The following VMP1 variants were observed in gnomAD, a reference collection of about 807,000 sequenced individuals.
VMP1 encodes vacuole membrane protein 1, also known as ectopic P-granules autophagy protein 3 homolog.
VMP1 carries 11 observed loss-of-function variants against 56.0 expected under a neutral mutation model. That is an observed-to-expected ratio of 0.20 (90% confidence interval 0.12 to 0.32). VMP1 has a LOEUF of 0.32. VMP1 is among the 10% of genes least tolerant of loss of function. The pLI, the probability that VMP1 is intolerant of heterozygous loss-of-function variation, is 1.00. For synonymous variants in VMP1, 149 were observed against 165.0 expected (o/e 0.90, Z 0.74); for missense variants, 296 against 490.3 (o/e 0.60, Z 3.74).
chr17:59,735,348 A>C lies in VMP1; in HGVS notation c.87A>C (p.Ser29=), dbSNP rs754951125. The C allele has an allele frequency of 2.0e-5, 32 of 1,613,940 alleles. No individual in the cohort carries two copies. Among genetic ancestry groups the C allele is most frequent in the Non-Finnish European group, 2.5e-5 (30 of 1,179,986 alleles). ...ACTATTGTTTTTCAGACCCCTCTTC[A>C]GTGAATGAAAAGAAGAGGAGGGAGC... The part of the protein sequence containing the change: ...HHNGNFTDPS[S]VNEKKRRERE... The change falls in exon 3 of 12, where the codon TCA becomes TCC. Residue 29 remains serine, a synonymous_variant. Transcript: ENST00000262291.
intron 7 of VMP1, among the ~76,000 whole-genome samples, chr17:59,786,348 A>G (rs891117796): frequency 6.6e-6 from 1 of 152,188 alleles, no homozygotes; most frequent in African/African-American, 2.4e-5. Context: ...CACTAATGCT[A>G]TTCTCTTTTA....
At chr17:59,768,707 G>A (rs1471080545) in intron 6 of VMP1, among the ~76,000 whole-genome samples, 1 of 152,000 alleles carries the variant, frequency 6.6e-6, no homozygotes, top group Non-Finnish European at 1.5e-5. Flanking sequence ...AATTCACCGG[G>A]CGCGGTGGCT....
chr17:59,783,425 A>G (rs1362370695), intron 7 of VMP1, among the ~76,000 whole-genome samples: 1 of 152,142 alleles, frequency 6.6e-6, no homozygotes, highest in Non-Finnish European at 1.5e-5. Flanking sequence ...TTGGCTTTCT[A>G]TCGTGTTTCC....
At chr17:59,795,087 T>C (rs1439952420) in intron 7 of VMP1, among the ~76,000 whole-genome samples, 1 of 148,962 alleles carries the variant, frequency 6.7e-6, no homozygotes, top group Non-Finnish European at 1.5e-5. Flanking sequence ...AACCTTCTCC[T>C]GCCTCAGTCT....
intron 8 of VMP1, among the ~76,000 whole-genome samples, chr17:59,810,411 C>T (rs566722852): frequency 3.9e-5 from 6 of 152,250 alleles, no homozygotes; most frequent in Admixed American, 2.0e-4. Context: ...ACCTCGGCCT[C>T]CCAAAGTGCT....
chr17:59,765,898 G>C (rs138321175), intron 6 of VMP1, among the ~76,000 whole-genome samples: 1 of 151,502 alleles, frequency 6.6e-6, no homozygotes, highest in East Asian at 1.9e-4. Context: ...TAAACTTTTA[G>C]AATTTATCTA....
At chr17:59,781,331 T>C (rs1044023676) in intron 7 of VMP1, among the ~76,000 whole-genome samples, 1 of 152,192 alleles carries the variant, frequency 6.6e-6, no homozygotes, top group African/African-American at 2.4e-5. Context: ...AAGTAAAAAG[T>C]GAAAGCTCAC....
At chr17:59,817,854 G>A in intron 10 of VMP1, 81 bp downstream of exon 10, 1 of 1,131,272 alleles carries the variant, frequency 8.8e-7, no homozygotes, top group East Asian at 2.8e-5. Context: ...AATTGAAATA[G>A]AATTTTTGAC....
intron 7 of VMP1, among the ~76,000 whole-genome samples, chr17:59,807,080 G>A (rs2037866559): frequency 6.6e-6 from 1 of 151,836 alleles, no homozygotes; most frequent in African/African-American, 2.4e-5. Flanking sequence ...TTGTAAGTGG[G>A]GATACACAGA....
chr17:59,819,732 A>G (rs2038372318), intron 10 of VMP1, among the ~76,000 whole-genome samples: 1 of 152,234 alleles, frequency 6.6e-6, no homozygotes, highest in Admixed American at 6.5e-5. Context: ...GATTACAGGC[A>G]TGAGCCTCCG....
intron 7 of VMP1, among the ~76,000 whole-genome samples, chr17:59,807,916 C>G (rs1275006446): frequency 6.6e-6 from 1 of 151,248 alleles, no homozygotes; most frequent in Non-Finnish European, 1.5e-5. Flanking sequence ...AAAGCATTTA[C>G]ACACATTCAA....
intron 1 of VMP1, among the ~76,000 whole-genome samples, chr17:59,719,487 A>AT (rs939945697): frequency 1.4e-4 from 21 of 148,768 alleles, no homozygotes; most frequent in Admixed American, 2.7e-4. Flanking sequence ...TGGATAGATG[A>AT]TTTTTTTTTT....
At chr17:59,730,775 A>T (rs2034793330) in intron 1 of VMP1, among the ~76,000 whole-genome samples, 1 of 152,002 alleles carries the variant, frequency 6.6e-6, no homozygotes, top group Non-Finnish European at 1.5e-5. Context: ...AAGCACTGAT[A>T]CCTGTAGTAT....
intron 10 of VMP1, among the ~76,000 whole-genome samples, chr17:59,826,644 A>T (rs2038654136): frequency 6.6e-6 from 1 of 152,232 alleles, no homozygotes; most frequent in Non-Finnish European, 1.5e-5. Context: ...TTACATAAAT[A>T]TTCATTTCAT....
intron 10 of VMP1, among the ~76,000 whole-genome samples, chr17:59,832,871 A>G (rs1339966002): frequency 6.8e-6 from 1 of 146,686 alleles, no homozygotes; most frequent in Non-Finnish European, 1.5e-5. Flanking sequence ...TCGGCCTCCC[A>G]AAGTGCTGTG....
chr17:59,838,052 G>A (rs1368886883), intron 10 of VMP1: 1 of 313,462 alleles, frequency 3.2e-6, no homozygotes, highest in African/African-American at 2.2e-5. Context: ...AGACATGTTG[G>A]TGGGAGAGAT....
At chr17:59,759,570 C>T (rs898412554) in intron 5 of VMP1, among the ~76,000 whole-genome samples, 1 of 152,124 alleles carries the variant, frequency 6.6e-6, no homozygotes, top group African/African-American at 2.4e-5. Flanking sequence ...GTCATTAAAT[C>T]TACTTTGTCT....
intron 5 of VMP1, among the ~76,000 whole-genome samples, chr17:59,753,599 A>G (rs932970688): frequency 3.9e-5 from 6 of 152,160 alleles, no homozygotes; most frequent in African/African-American, 1.2e-4. Flanking sequence ...ACTCTCCTAT[A>G]TAATGTGATG....
chr17:59,777,866 A>T (rs1255622065), intron 7 of VMP1, among the ~76,000 whole-genome samples: 1 of 150,708 alleles, frequency 6.6e-6, no homozygotes, highest in Non-Finnish European at 1.5e-5. Context: ...AAAAACAAAT[A>T]AAGTGTACTC....
Sources: gnomAD v4.1 joint callset for allele counts (sites outside exome capture counted in the v4.1 genomes callset) on GRCh38, gnomAD v4.1.1 for gene constraint, MANE v1.5 for transcripts, NCBI Gene and HGNC (gene_info 2026-07-23, HGNC 2026-07-21) for gene names.